Variants in DSCAML1 observed in about 807,000 individuals in gnomAD.
DSCAML1 encodes the protein DS cell adhesion molecule like 1.
A neutral mutation model predicts 200.5 loss-of-function variants in DSCAML1; 38 were observed. The ratio of observed to expected loss-of-function variants is 0.19; its 90% confidence interval spans 0.15 to 0.25. DSCAML1 has a LOEUF of 0.25. Among genes scored for constraint, DSCAML1 ranks in the 10% least tolerant of loss-of-function variants. The pLI is 1.00. For synonymous variants in DSCAML1, 1,215 were observed against 1,165.0 expected (o/e 1.04, Z -0.87); for missense variants, 2,223 against 2,858.8 (o/e 0.78, Z 5.07).
In DSCAML1 at chr11:117,463,285, C is replaced by T. The variant is rs917555411; in HGVS notation, c.3265+1657G>A. 4.6e-5 allele frequency among the ~76,000 whole-genome samples: 7 copies of T among 151,866 alleles called. No homozygotes were observed. The highest frequency in any genetic ancestry group is 7.3e-5 in the African/African-American group (3 of 41,306). On this transcript the variant is annotated intron_variant, in intron 17 of 32. Transcript: ENST00000651296. The surrounding 1 kb of genome is among the most constrained non-coding windows in gnomAD (Gnocchi z 4.0). ...TGGCCTCCCTTCATGGATAATTGTG[C>T]GACTCTTGGTGCTATGATTCCCAAA...
chr11:117,543,907 G>A (rs1246687065), intron 3 of DSCAML1, among the ~76,000 whole-genome samples: 1 of 152,082 alleles, frequency 6.6e-6, no homozygotes, highest in Non-Finnish European at 1.5e-5. Flanking sequence ...GTTGGGAGCT[G>A]CTTTTCCACT....
intron 3 of DSCAML1, among the ~76,000 whole-genome samples, chr11:117,664,960 G>C (rs993158668): frequency 6.6e-6 from 1 of 152,100 alleles, no homozygotes; most frequent in Non-Finnish European, 1.5e-5. Flanking sequence ...TGCTGATCTG[G>C]GCACCCCCAG....
In DSCAML1 at chr11:117,585,019, T is replaced by C. The variant is rs377437896; in HGVS notation, c.512-52497A>G. Among the ~76,000 whole-genome samples, 9 of 152,332 alleles carry C rather than the reference T, an allele frequency of 5.9e-5. No homozygotes were observed. In the East Asian group the frequency reaches 1.3e-3, roughly 23 times the overall value. The stretch of plus-strand genomic sequence containing the variant: ...CATCGAAAATATTCCCAGTTAGTAG[T>C]GAATGGCCTGAGTCTTTGCTACAGT... On this transcript the variant is annotated intron_variant, in intron 3 of 32. Coordinates refer to ENST00000651296, the MANE Select transcript of DSCAML1 (RefSeq NM_020693.4).
intron 17 of DSCAML1, 95 bp downstream of exon 17, chr11:117,464,846 CA>C: frequency 6.5e-7 from 1 of 1,543,258 alleles, no homozygotes; most frequent in Non-Finnish European, 8.7e-7. Context: ...AAATGGGGCC[CA>C]GGGGCAAACA....
intron 3 of DSCAML1, among the ~76,000 whole-genome samples, chr11:117,624,903 T>C (rs945561467): frequency 1.3e-5 from 2 of 152,072 alleles, no homozygotes; most frequent in South Asian, 2.1e-4. Flanking sequence ...GGGTTGGATT[T>C]TGGGTCTAGA....
At chr11:117,812,376 A>G (rs1283828593) in intron 1 of DSCAML1, among the ~76,000 whole-genome samples, 8 of 152,072 alleles carry the variant, frequency 5.3e-5, no homozygotes, top group Non-Finnish European at 1.0e-4. Flanking sequence ...CTGTCCTAAA[A>G]CCAGACAAGC....
At chr11:117,495,935 A>T (rs1418409386) in intron 11 of DSCAML1, among the ~76,000 whole-genome samples, 2 of 152,016 alleles carry the variant, frequency 1.3e-5, no homozygotes, top group African/African-American at 4.8e-5. Context: ...CATACTTCCC[A>T]TTCCTCTAGT....
At chr11:117,620,579 A>G (rs1402645370) in intron 3 of DSCAML1, among the ~76,000 whole-genome samples, 1 of 152,130 alleles carries the variant, frequency 6.6e-6, no homozygotes, top group Non-Finnish European at 1.5e-5. Flanking sequence ...GGGGCCCCCT[A>G]CTTTGCTGCA....
At chr11:117,438,144 C>CCT (rs2137077211) in intron 24 of DSCAML1, 61 bp from the exon 25 acceptor site, 2 of 1,500,354 alleles carry the variant, frequency 1.3e-6, no homozygotes, top group Admixed American at 3.9e-5. Flanking sequence ...AGAAGCCCAG[C>CCT]CTCAGGTACC....
chr11:117,695,309 C>CTTTTTTTTTT (rs1220241169), intron 3 of DSCAML1, among the ~76,000 whole-genome samples: 4 of 122,642 alleles, frequency 3.3e-5, no homozygotes, highest in African/African-American at 9.7e-5. Flanking sequence ...TTCTTTCTTT[C>CTTTTTTTTTT]TTTTTCTTTT....
At chr11:117,584,687 G>GT (rs1429928814) in intron 3 of DSCAML1, among the ~76,000 whole-genome samples, 1 of 152,214 alleles carries the variant, frequency 6.6e-6, no homozygotes, top group African/African-American at 2.4e-5. Context: ...GGTTGGTTTT[G>GT]TTTTTTAAGG....
At chr11:117,577,544 T>TTTCCTTCCCTCCC (rs1565801955) in intron 3 of DSCAML1, among the ~76,000 whole-genome samples, 3 of 99,158 alleles carry the variant, frequency 3.0e-5, no homozygotes, top group African/African-American at 1.4e-4. Context: ...CTTTCCTTCC[T>TTTCCTTCCCTCCC]TCCCTCCCTC....
intron 3 of DSCAML1, among the ~76,000 whole-genome samples, chr11:117,650,939 G>A (rs1328759989): frequency 2.0e-5 from 3 of 152,220 alleles, no homozygotes; most frequent in Non-Finnish European, 2.9e-5. Flanking sequence ...GAGAGTACAG[G>A]TAGTAAGAGT....
chr11:117,799,356 A>C (rs1021917948), upstream of DSCAML1, among the ~76,000 whole-genome samples: 54 of 152,212 alleles, frequency 3.5e-4, no homozygotes, highest in Admixed American at 3.5e-3. Flanking sequence ...GGGTAGCGGC[A>C]CAGCTGCTCC....
At position 117,461,088 on chromosome 11, in the gene DSCAML1, A is replaced by G. The variant is rs181808273; in HGVS notation, c.3412+362T>C. ...ATCAACACTGAAACTAGAAAAGCCAATCTGCCCCTATCATGCCCCCAACAC... is the reference window on the plus strand; with the variant it reads ...ATCAACACTGAAACTAGAAAAGCCAGTCTGCCCCTATCATGCCCCCAACAC... On this transcript the variant is annotated intron_variant, in intron 18 of 32. Coordinates refer to ENST00000651296, the MANE Select transcript of DSCAML1 (RefSeq NM_020693.4). Among the ~76,000 whole-genome samples, 10 of 152,198 alleles carry G rather than the reference A, an allele frequency of 6.6e-5. No individual in the cohort carries two copies. In the East Asian group the frequency reaches 1.9e-3, roughly 29 times the overall value.
intron 1 of DSCAML1, among the ~76,000 whole-genome samples, chr11:117,802,782 T>C (rs2055673423): frequency 1.3e-5 from 2 of 152,160 alleles, no homozygotes; most frequent in Admixed American, 6.5e-5. Flanking sequence ...TATGTTTTCG[T>C]CCATTTCTGA....
At position 117,614,708 on chromosome 11, in the gene DSCAML1, G is replaced by A. The variant is rs557372763; in HGVS notation, c.512-82186C>T. Reference sequence around the variant, plus strand: ...AGCCAATCAGCAGTTAAATTGGAACGGTCCAGTCCTCACAGTGCCCAACGC... The same window carrying A: ...AGCCAATCAGCAGTTAAATTGGAACAGTCCAGTCCTCACAGTGCCCAACGC... On this transcript the variant is annotated intron_variant, in intron 3 of 32. Transcript: ENST00000651296. Among the ~76,000 whole-genome samples the A allele has an allele frequency of 1.8e-4, 27 of 152,296 alleles. No homozygotes were observed. The South Asian group carries it at 3.5e-3, about 20-fold the overall frequency.
At chr11:117,745,378 G>T (rs1045235051) in intron 3 of DSCAML1, among the ~76,000 whole-genome samples, 3 of 152,184 alleles carry the variant, frequency 2.0e-5, no homozygotes, top group African/African-American at 7.2e-5. Context: ...AGGCTACCGA[G>T]GGAGCTGAAG....
Position 117,435,811 on chromosome 11 carries a change from C to A in DSCAML1, c.4721-12G>T, listed in dbSNP as rs770782914. 6 of 1,597,494 alleles carry A rather than the reference C, an allele frequency of 3.8e-6. No homozygotes were observed. Among genetic ancestry groups the A allele is most frequent in the Non-Finnish European group, 4.3e-6 (5 of 1,166,736 alleles). ...GGGTGGAATGGTGCCTGAATGAGGG[C>A]AAAGAATAGAATTAGATGTCCCTTA... On this transcript the variant is annotated splice_polypyrimidine_tract_variant and intron_variant, in intron 26 of 32. Transcript: ENST00000651296.
Sources: allele counts gnomAD v4.1 joint callset (sites outside exome capture counted in the v4.1 genomes callset), GRCh38; gene constraint gnomAD v4.1.1; non-coding constraint Gnocchi (gnomAD v3.1); transcripts MANE v1.5; gene names NCBI Gene and HGNC (gene_info 2026-07-23, HGNC 2026-07-21).